The following SRGAP2B variants were observed in gnomAD, a reference collection of about 807,000 sequenced individuals.
SRGAP2B encodes the protein SLIT-ROBO Rho GTPase-activating protein 2B.
SRGAP2B carries 9 observed loss-of-function variants against 22.2 expected under a neutral mutation model. The ratio of observed to expected loss-of-function variants is 0.41; its 90% CI spans 0.24 to 0.71. The LOEUF is 0.71. Ranked by LOEUF, SRGAP2B falls within the 30% of genes least tolerant of loss-of-function variation. The pLI is 0.35. For missense variants in SRGAP2B, 114 were observed against 235.8 expected (o/e 0.48, Z 3.38); for synonymous variants, 36 against 87.4 (o/e 0.41, Z 3.28).
chr1:145,007,877 G>A (rs1388195796), intron 2 of SRGAP2B, among the ~76,000 whole-genome samples: 3 of 94,114 alleles, frequency 3.2e-5, no homozygotes, highest in Middle Eastern at 5.9e-3. Context: ...AGCAATCTCA[G>A]CCCACTGCAA....
chr1:145,076,535 T>TG (rs1571148601), intron 2 of SRGAP2B, among the ~76,000 whole-genome samples: 1 of 149,024 alleles, frequency 6.7e-6, no homozygotes, highest in East Asian at 2.0e-4. Context: ...TTGTGCTGAG[T>TG]GAAAAAAAAA....
intron 2 of SRGAP2B, among the ~76,000 whole-genome samples, chr1:145,020,404 G>C (rs1553623842): frequency 8.0e-6 from 1 of 124,566 alleles, no homozygotes; most frequent in African/African-American, 3.4e-5. Flanking sequence ...TCCAACCTGG[G>C]CAAGAGAGAG....
chr1:145,012,959 T>C (rs1391753881), intron 2 of SRGAP2B, among the ~76,000 whole-genome samples: 2 of 150,156 alleles, frequency 1.3e-5, no homozygotes, highest in African/African-American at 5.0e-5. Flanking sequence ...GTGGTGCACC[T>C]GTAAGCCCAG....
At chr1:144,906,369 T>C (rs1355312256) in intron 5 of SRGAP2B, among the ~76,000 whole-genome samples, 1 of 149,556 alleles carries the variant, frequency 6.7e-6, no homozygotes, top group Non-Finnish European at 1.5e-5. Flanking sequence ...TTCTCTTTAA[T>C]ATTGGCCAGG....
At chr1:144,960,432 A>AAGAGATAAACCTGC (rs1553611063) in intron 3 of SRGAP2B, among the ~76,000 whole-genome samples, 3 of 150,488 alleles carry the variant, frequency 2.0e-5, no homozygotes, top group Non-Finnish European at 4.4e-5. Flanking sequence ...AATGCACTGA[A>AAGAGATAAACCTGC]AGAGATAAAC....
intron 2 of SRGAP2B, among the ~76,000 whole-genome samples, chr1:145,040,981 CCAAA>C (rs1420538978): frequency 2.9e-5 from 4 of 136,262 alleles, no homozygotes; most frequent in African/African-American, 8.3e-5. Flanking sequence ...ATCCCAATGC[CCAAA>C]CACTCTAACT....
At chr1:145,007,104 C>T (rs1376336641) in intron 2 of SRGAP2B, among the ~76,000 whole-genome samples, 5 of 150,258 alleles carry the variant, frequency 3.3e-5, no homozygotes, top group African/African-American at 1.3e-4. Flanking sequence ...TGCCTGATGC[C>T]TAGTAAGCCT....
chr1:144,966,034 G>A (rs1366336392), intron 3 of SRGAP2B, among the ~76,000 whole-genome samples: 1 of 145,498 alleles, frequency 6.9e-6, no homozygotes, highest in Non-Finnish European at 1.5e-5. Flanking sequence ...CTGAAAGTGA[G>A]GCGGAGAATG....
intron 5 of SRGAP2B, among the ~76,000 whole-genome samples, chr1:144,909,586 CAA>C (rs1298848761): frequency 1.1e-4 from 14 of 131,020 alleles, no homozygotes; most frequent in South Asian, 2.5e-4. Flanking sequence ...GACTCCATCT[CAA>C]AAAAAAAAAA....
chr1:145,009,187 A>C (rs1671847275), intron 2 of SRGAP2B, among the ~76,000 whole-genome samples: 1 of 148,662 alleles, frequency 6.7e-6, no homozygotes, highest in African/African-American at 2.5e-5. Flanking sequence ...AAAAAAAAAA[A>C]AAAAAACCTC....
chr1:144,985,021 T>G (rs1669610808), intron 3 of SRGAP2B, among the ~76,000 whole-genome samples: 2 of 130,100 alleles, frequency 1.5e-5, no homozygotes, highest in Non-Finnish European at 3.2e-5. Context: ...AAGAGCCATT[T>G]TCTTTAAAGC....
chr1:144,954,398 T>A (rs1403549360), intron 4 of SRGAP2B, among the ~76,000 whole-genome samples: 25 of 152,088 alleles, frequency 1.6e-4, no homozygotes, highest in Non-Finnish European at 3.4e-4. Context: ...CAGTCCTGTT[T>A]ACCAGTCTTT....
intron 4 of SRGAP2B, among the ~76,000 whole-genome samples, chr1:144,930,576 G>A (rs1202138851): frequency 6.7e-6 from 1 of 150,076 alleles, no homozygotes; most frequent in Non-Finnish European, 1.5e-5. Flanking sequence ...GCCATCTGGG[G>A]TCTGAGAAAG....
chr1:144,939,762 C>T (rs1205389734), intron 4 of SRGAP2B, among the ~76,000 whole-genome samples: 1 of 146,824 alleles, frequency 6.8e-6, no homozygotes, highest in East Asian at 2.0e-4. Context: ...CTTAAAGGTC[C>T]AGAAAGACCA....
intron 4 of SRGAP2B, among the ~76,000 whole-genome samples, chr1:144,954,421 T>G (rs1667110116): frequency 6.6e-6 from 1 of 151,864 alleles, no homozygotes; most frequent in African/African-American, 2.4e-5. Flanking sequence ...TCTCATACTT[T>G]CAAATTTTAA....
chr1:144,951,152 G>A (rs1666824322), intron 4 of SRGAP2B, among the ~76,000 whole-genome samples: 1 of 150,460 alleles, frequency 6.6e-6, no homozygotes, highest in Non-Finnish European at 1.5e-5. Flanking sequence ...CCAGCCCTCT[G>A]TTTTGTTTTT....
chr1:144,981,179 G>C (rs1669301831), intron 3 of SRGAP2B, among the ~76,000 whole-genome samples: 1 of 145,866 alleles, frequency 6.9e-6, no homozygotes. Flanking sequence ...CTGGATCAAA[G>C]TAAATTCATT....
At chr1:144,939,719 C>G (rs1423755146) in intron 4 of SRGAP2B, among the ~76,000 whole-genome samples, 18 of 149,050 alleles carry the variant, frequency 1.2e-4, no homozygotes, top group Non-Finnish European at 1.6e-4. Context: ...CCTGAAAGCT[C>G]AGGTAGACTA....
At chr1:144,939,617 A>G (rs1472024411) in intron 4 of SRGAP2B, among the ~76,000 whole-genome samples, 3 of 147,036 alleles carry the variant, frequency 2.0e-5, no homozygotes, top group African/African-American at 7.9e-5. Context: ...AGACAATAAA[A>G]TAATATTATT....
Sources: allele counts gnomAD v4.1 joint callset (sites outside exome capture counted in the v4.1 genomes callset), GRCh38; gene constraint gnomAD v4.1.1; transcripts MANE v1.5; gene names NCBI Gene and HGNC (gene_info 2026-07-23, HGNC 2026-07-21).